DGKE: variants seen among roughly 807,000 people sequenced by gnomAD.
DGKE encodes diacylglycerol kinase epsilon.
DGKE carries 53 observed loss-of-function variants against 70.0 expected under a neutral mutation model. The ratio of observed to expected loss-of-function variants is 0.76; its 90% CI spans 0.61 to 0.95. The LOEUF (loss-of-function observed/expected upper bound fraction) is 0.95. Ranked by LOEUF, DGKE falls within the 40% of genes least tolerant of loss-of-function variation. The pLI is 0.00. For synonymous variants in DGKE, 291 were observed against 257.0 expected (o/e 1.13, Z -1.27); for missense variants, 655 against 706.9 (o/e 0.93, Z 0.83).
At position 56,848,801 on chromosome 17, in the gene DGKE, G is replaced by C. The variant is rs1907466983; in HGVS notation, c.994G>C (p.Val332Leu). 1.9e-6 allele frequency: 3 copies of C among 1,614,036 alleles called. No individual in the cohort carries two copies. Among genetic ancestry groups the C allele is most frequent in the Admixed American group, 1.7e-5 (1 of 60,010 alleles). The change falls in exon 6 of 12, where the codon GTT (valine) becomes CTT (leucine). Residue 332 changes from valine (V) to leucine (L), a missense_variant. By Grantham distance (32) the Val-to-Leu change is conservative. Coordinates refer to ENST00000284061, the MANE Select transcript of DGKE (RefSeq NM_003647.3). ...TACAGGTTATGCTGGAGAAATTCCAGTTGCGCAGGTTTTGCGAAATGTAAT... is the reference window on the plus strand; with the variant it reads ...TACAGGTTATGCTGGAGAAATTCCACTTGCGCAGGTTTTGCGAAATGTAAT... ...WGTGYAGEIP[V>L]AQVLRNVMEA...
rs1325212992 is a variant in DGKE at position 56,847,906 on chromosome 17, T to C, written c.745-16T>C. The C allele has an allele frequency of 1.3e-6, 2 of 1,531,086 alleles. No individual in the cohort carries two copies. The highest frequency in any genetic ancestry group is 1.4e-5 in the African/African-American group (1 of 71,434). 94.8% of individuals were successfully genotyped at this position (1,531,086 alleles called of 1,614,324 possible). ...ATGTTGGATAAAAATAATTTGTCTT[T>C]TTCTTTTGTTTCTAGGTTTTTGATG... is the stretch of plus-strand genomic sequence containing the variant. On this transcript the variant is annotated splice_polypyrimidine_tract_variant and intron_variant, in intron 4 of 11. Coordinates refer to ENST00000284061, the MANE Select transcript of DGKE (RefSeq NM_003647.3).
Position 56,849,232 on chromosome 17 carries a change from G to C in DGKE, c.1098G>C (p.Lys366Asn). The C allele has an allele frequency of 1.2e-6, 2 of 1,609,754 alleles. No individual in the cohort carries two copies. Among genetic ancestry groups the C allele is most frequent in the Non-Finnish European group, 1.7e-6 (2 of 1,178,850 alleles). ...GATACTACAACTTAAGAAAACCCAA[G>C]GTATGTTGTTAGTGCCTCAGTTGCA... ...NKGYYNLRKP[K>N]EFTMNNYFSV... is the part of the protein sequence containing the mutation. Residue 366 changes from lysine (K) to asparagine (N), a missense_variant and splice_region_variant, in exon 7 of 12, where the codon AAG (lysine) becomes AAC (asparagine). Lys to Asn is a moderately conservative substitution (Grantham distance 94, BLOSUM62 0). Coordinates refer to ENST00000284061, the MANE Select transcript of DGKE (RefSeq NM_003647.3).
intron 2 of DGKE, among the ~76,000 whole-genome samples, chr17:56,837,620 C>T (rs370762342): frequency 2.0e-5 from 3 of 152,188 alleles, no homozygotes; most frequent in East Asian, 3.8e-4. Context: ...TCTCCTGTGA[C>T]CTTCTGTAGG....
chr17:56,838,346 T>G (rs1906759399), intron 2 of DGKE: 1 of 152,234 alleles, frequency 6.6e-6, no homozygotes, highest in Non-Finnish European at 1.5e-5. Flanking sequence ...AATCATCTTC[T>G]AGAGCAGAGG....
chr17:56,853,639 A>G (rs1210679576), intron 7 of DGKE, among the ~76,000 whole-genome samples: 1 of 152,170 alleles, frequency 6.6e-6, no homozygotes, highest in Non-Finnish European at 1.5e-5. Flanking sequence ...GGGCTTTTCT[A>G]TCCTATTTCA....
chr17:56,855,203 A>T (rs75378786), intron 7 of DGKE, among the ~76,000 whole-genome samples: 1 of 141,442 alleles, frequency 7.1e-6, no homozygotes, highest in Non-Finnish European at 1.6e-5. Flanking sequence ...TTTTTTTTTT[A>T]AAGAACAACT....
intron 9 of DGKE, among the ~76,000 whole-genome samples, chr17:56,859,436 T>C (rs887782276): frequency 6.6e-6 from 1 of 152,002 alleles, no homozygotes; most frequent in African/African-American, 2.4e-5. Context: ...CTTTTTTTTT[T>C]TGAGATGGAG....
intron 2 of DGKE, chr17:56,838,791 G>A (rs1165230379): frequency 6.6e-6 from 1 of 151,908 alleles, no homozygotes; most frequent in Non-Finnish European, 1.5e-5. Flanking sequence ...TCTTGATAAG[G>A]GTTTTAGTTA....
At chr17:56,848,963 T>A in intron 6 of DGKE, 110 bp downstream of exon 6, 1 of 1,467,834 alleles carries the variant, frequency 6.8e-7, no homozygotes, top group Non-Finnish European at 9.3e-7. Flanking sequence ...TGTGAAAGAC[T>A]ATACTAGTTG....
At chr17:56,855,688 AACAGTTTGGTTTAGAGAAG>A (rs1355150494) in intron 7 of DGKE, among the ~76,000 whole-genome samples, 1 of 152,176 alleles carries the variant, frequency 6.6e-6, no homozygotes, top group Non-Finnish European at 1.5e-5. Flanking sequence ...GAGCAGAGAA[AACAGTTTGGTTTAGAGAAG>A]ATTAGCAAGT....
rs772002267 is a variant in DGKE, at chr17:56,847,899, T to A, written c.745-23T>A. 2.6e-6 allele frequency: 4 copies of A among 1,518,686 alleles called. No individual in the cohort carries two copies. The African/African-American group carries it at 4.2e-5, about 16-fold the overall frequency. The allele number at this position is 1,518,686 out of a possible 1,614,324, so 94.1% of individuals were successfully genotyped here. On this transcript the variant is annotated intron_variant, in intron 4 of 11. Transcript: ENST00000284061. ...AAGGAAAATGTTGGATAAAAATAAT[T>A]TGTCTTTTTCTTTTGTTTCTAGGTT... is the stretch of plus-strand genomic sequence containing the variant.
chr17:56,850,627 T>C (rs1402138633), intron 7 of DGKE, among the ~76,000 whole-genome samples: 1 of 152,220 alleles, frequency 6.6e-6, no homozygotes, highest in African/African-American at 2.4e-5. Flanking sequence ...GTTTCTCTGC[T>C]TCTCCATCTC....
chr17:56,850,779 A>C (rs533372369), intron 7 of DGKE, among the ~76,000 whole-genome samples: 1 of 152,330 alleles, frequency 6.6e-6, no homozygotes, highest in Non-Finnish European at 1.5e-5. Context: ...AAAAAAGCTC[A>C]AAAGTGCCTA....
intron 2 of DGKE, among the ~76,000 whole-genome samples, chr17:56,839,919 GCCTGTAATC>G (rs1302766348): frequency 1.3e-5 from 2 of 152,096 alleles, no homozygotes; most frequent in African/African-American, 4.8e-5. Context: ...AGTGGCTCAT[GCCTGTAATC>G]CCAGCACTTT....
At chr17:56,861,279 A>AC (rs1908275060) in intron 9 of DGKE, among the ~76,000 whole-genome samples, 1 of 152,012 alleles carries the variant, frequency 6.6e-6, no homozygotes. Context: ...GGAGGGGAAG[A>AC]TGTTACTCTT....
chr17:56,843,883 T>A, intron 2 of DGKE, 136 bp from the exon 3 acceptor site: 2 of 773,646 alleles, frequency 2.6e-6, no homozygotes, highest in Non-Finnish European at 3.9e-6. Flanking sequence ...AGATAGTGCA[T>A]ATATTTTATT....
rs1367281956 is a variant in DGKE, at chr17:56,868,024, C to T, written c.*5233C>T. The T allele has an allele frequency of 6.6e-6, 1 of 152,168 alleles. No individual in the cohort carries two copies. Among genetic ancestry groups the T allele is most frequent in the Non-Finnish European group, 1.5e-5 (1 of 68,042 alleles). 9.4% of individuals were successfully genotyped at this position (152,168 alleles called of 1,614,324 possible). A position where few individuals can be genotyped will look rare whatever the true frequency, so the allele number is the denominator to read the frequency against. ...CCTCACTGTTAAAGGACGACATCAA[C>T]ACAGAATGCACTAAACAGGAAATAA... On this transcript the variant is annotated 3_prime_UTR_variant, in exon 12 of 12. Coordinates refer to ENST00000284061, the MANE Select transcript of DGKE (RefSeq NM_003647.3).
chr17:56,859,793 CATTA>C (rs1221410500), intron 9 of DGKE, among the ~76,000 whole-genome samples: 1 of 152,074 alleles, frequency 6.6e-6, no homozygotes, highest in Non-Finnish European at 1.5e-5. Context: ...ACAACAGAGA[CATTA>C]ATTCAGAGAA....
At chr17:56,839,963 G>A (rs1288062557) in intron 2 of DGKE, among the ~76,000 whole-genome samples, 3 of 152,032 alleles carry the variant, frequency 2.0e-5, no homozygotes, top group South Asian at 2.1e-4. Context: ...GGCAGAGTTC[G>A]AGACCAGCCT....
Sources: allele counts gnomAD v4.1 joint callset (sites outside exome capture counted in the v4.1 genomes callset), GRCh38; gene constraint gnomAD v4.1.1; transcripts MANE v1.5; gene names NCBI Gene and HGNC (gene_info 2026-07-23, HGNC 2026-07-21).